The following FAM110B variants were observed in gnomAD, a reference collection of about 807,000 sequenced individuals.
FAM110B encodes the protein family with sequence similarity 110 member B.
Under a neutral mutation model 20.4 loss-of-function variants are expected in FAM110B, and 6 were observed. The observed-to-expected ratio is 0.29, with a 90% CI of 0.16 to 0.58. The LOEUF is 0.58. FAM110B is among the 20% of genes least tolerant of loss of function. The probability of loss-of-function intolerance (pLI) is 0.90; values close to 1 mark genes in which losing one functional copy is unlikely to be tolerated. For missense variants in FAM110B, 434 were observed against 498.2 expected (o/e 0.87, Z 1.23); for synonymous variants, 226 against 214.1 (o/e 1.06, Z -0.49).
At chr8:58,116,578 A>G (rs1450389572) in intron 3 of FAM110B, among the ~76,000 whole-genome samples, 1 of 152,180 alleles carries the variant, frequency 6.6e-6, no homozygotes, top group Non-Finnish European at 1.5e-5. Flanking sequence ...TAACCCACCT[A>G]TTTCATATAC....
intron 1 of FAM110B, among the ~76,000 whole-genome samples, chr8:58,006,901 G>GTATATATATATATATATATAAATA (rs1804415831): frequency 1.0e-5 from 1 of 97,496 alleles, no homozygotes; most frequent in Non-Finnish European, 2.2e-5. Context: ...GGCTTAATTG[G>GTATATATATATATATATATAAATA]TATATATATA....
rs938698212 is a variant in FAM110B at position 58,146,426 on chromosome 8, G to A, written c.196G>A (p.Glu66Lys). 1.2e-6 allele frequency: 2 copies of A among 1,613,832 alleles called. No individual in the cohort carries two copies. The highest frequency in any genetic ancestry group is 1.7e-6 in the Non-Finnish European group (2 of 1,179,908). ...CAAGGCCAAGTACGTCAAGAGCCAG[G>A]AGGTGATCAACGCCAAGCAGGAGCC... Reference protein sequence around the residue: ...ADKAKYVKSQEVINAKQEPVK... With the variant: ...ADKAKYVKSQKVINAKQEPVK... The change falls in exon 4 of 4, where the codon GAG becomes AAG. Residue 66 changes from glutamate to lysine, a missense_variant. By Grantham distance (56) the Glu-to-Lys change is moderately conservative. Coordinates refer to ENST00000519262, the MANE Select transcript of FAM110B (RefSeq NM_001377989.1).
At chr8:58,131,809 G>A (rs184226999) in intron 3 of FAM110B, among the ~76,000 whole-genome samples, 141 of 152,280 alleles carry the variant, frequency 9.3e-4, no homozygotes, top group African/African-American at 3.3e-3. Flanking sequence ...ATACTCTAGT[G>A]GGGGTGTCCT....
chr8:58,025,935 C>A (rs1177323537), intron 1 of FAM110B, among the ~76,000 whole-genome samples: 1 of 152,192 alleles, frequency 6.6e-6, no homozygotes, highest in Non-Finnish European at 1.5e-5. Flanking sequence ...ATCTTATCAA[C>A]TTGGATTGTG....
chr8:58,066,859 A>T (rs980264324), intron 2 of FAM110B, among the ~76,000 whole-genome samples: 4 of 152,122 alleles, frequency 2.6e-5, no homozygotes, highest in African/African-American at 9.7e-5. Context: ...CTGGGGCCCA[A>T]GGCTCCTGCT....
chr8:58,120,730 A>G lies in FAM110B; in HGVS notation c.-324-25177A>G, dbSNP rs1807339329. On this transcript the variant is annotated intron_variant, in intron 3 of 3. Transcript: ENST00000519262. The stretch of plus-strand genomic sequence containing the variant: ...AGAGTTGTGTTCTAAAGATTCCCTC[A>G]TTTAAAGTACATGCCTCTGGGATCC... 3.9e-5 allele frequency among the ~76,000 whole-genome samples: 6 copies of G among 152,330 alleles called. No homozygotes were observed. In the South Asian group the frequency reaches 1.0e-3, roughly 26 times the overall value.
chr8:58,054,290 A>G (rs1293098884), intron 2 of FAM110B, among the ~76,000 whole-genome samples: 1 of 152,186 alleles, frequency 6.6e-6, no homozygotes, highest in Non-Finnish European at 1.5e-5. Context: ...ACCACAAGAT[A>G]CCACATCTCC....
chr8:58,118,782 A>C (rs1050754691), intron 3 of FAM110B, among the ~76,000 whole-genome samples: 18 of 152,142 alleles, frequency 1.2e-4, no homozygotes, highest in Admixed American at 1.2e-3. Flanking sequence ...TAGTGATATA[A>C]CTTCAGATGT....
chr8:58,056,557 G>T (rs1805551006), intron 2 of FAM110B, among the ~76,000 whole-genome samples: 1 of 152,152 alleles, frequency 6.6e-6, no homozygotes. Flanking sequence ...TCATGTATCT[G>T]CTAAGTGCTC....
chr8:58,081,972 A>G (rs1806203647), intron 3 of FAM110B, among the ~76,000 whole-genome samples: 1 of 152,172 alleles, frequency 6.6e-6, no homozygotes, highest in African/African-American at 2.4e-5. Flanking sequence ...TTGTATGATC[A>G]ATTTATTTAA....
intron 2 of FAM110B, among the ~76,000 whole-genome samples, chr8:58,045,906 T>G (rs1274705406): frequency 1.6e-4 from 25 of 152,038 alleles, no homozygotes; most frequent in Admixed American, 1.6e-3. Context: ...CCCAGCAGAG[T>G]TGGTGTCCAG....
chr8:58,068,696 T>C (rs1256989709), intron 2 of FAM110B, among the ~76,000 whole-genome samples: 1 of 152,062 alleles, frequency 6.6e-6, no homozygotes, highest in South Asian at 2.1e-4. Flanking sequence ...GTAGGAAATA[T>C]GAAAAAAACC....
intron 1 of FAM110B, among the ~76,000 whole-genome samples, chr8:58,008,184 A>G (rs1330737700): frequency 6.8e-6 from 1 of 147,256 alleles, no homozygotes; most frequent in South Asian, 2.1e-4. Context: ...CTGGATTGCA[A>G]TGGCGTGATC....
At chr8:58,138,377 C>A (rs932206981) in intron 3 of FAM110B, among the ~76,000 whole-genome samples, 7 of 152,236 alleles carry the variant, frequency 4.6e-5, no homozygotes, top group Non-Finnish European at 7.3e-5. Flanking sequence ...AGCAAACCCT[C>A]ATTTTTGTGC....
intron 3 of FAM110B, among the ~76,000 whole-genome samples, chr8:58,090,215 G>T (rs906897438): frequency 5.3e-5 from 8 of 152,136 alleles, no homozygotes; most frequent in Non-Finnish European, 1.2e-4. Flanking sequence ...GCTGGAGTGT[G>T]GTGGCGTGAT....
At chr8:58,045,527 T>C (rs1351935115) in intron 2 of FAM110B, among the ~76,000 whole-genome samples, 1 of 152,208 alleles carries the variant, frequency 6.6e-6, no homozygotes, top group Admixed American at 6.5e-5. Flanking sequence ...TCTAATGACT[T>C]GGACTTCTTT....
intron 2 of FAM110B, among the ~76,000 whole-genome samples, chr8:58,050,551 T>C (rs1805419076): frequency 6.6e-6 from 1 of 152,218 alleles, no homozygotes; most frequent in African/African-American, 2.4e-5. Flanking sequence ...GGCCAAGGAC[T>C]GAAGTTTTTA....
intron 3 of FAM110B, among the ~76,000 whole-genome samples, chr8:58,124,291 A>G (rs1222498501): frequency 6.6e-6 from 1 of 152,230 alleles, no homozygotes; most frequent in African/African-American, 2.4e-5. Context: ...GTCCCTAATG[A>G]CAATGAAATT....
intron 1 of FAM110B, among the ~76,000 whole-genome samples, chr8:58,031,037 C>G (rs1334440353): frequency 2.6e-5 from 4 of 152,132 alleles, no homozygotes; most frequent in Non-Finnish European, 5.9e-5. Context: ...CTATTGAGGC[C>G]ATCAAGATCT....
Sources: gnomAD v4.1 joint callset for allele counts (sites outside exome capture counted in the v4.1 genomes callset) on GRCh38, gnomAD v4.1.1 for gene constraint, MANE v1.5 for transcripts, NCBI Gene and HGNC (gene_info 2026-07-23, HGNC 2026-07-21) for gene names.